The following SLC22A7 variants were observed in gnomAD, a reference collection of about 807,000 sequenced individuals.
The protein encoded by SLC22A7 is hOAT2.
A neutral mutation model predicts 62.2 loss-of-function variants in SLC22A7; 48 were observed. The observed-to-expected ratio is 0.77, with a 90% CI of 0.61 to 0.98. The LOEUF (loss-of-function observed/expected upper bound fraction) is 0.98. Among genes scored for constraint, SLC22A7 ranks in the 50% least tolerant of loss-of-function variants. SLC22A7 has a pLI of 0.00. For synonymous variants in SLC22A7, 276 were observed against 314.8 expected (o/e 0.88, Z 1.30); for missense variants, 581 against 703.8 (o/e 0.83, Z 1.97).
At chr6:43,301,446 C>T (rs1236706487) in intron 6 of SLC22A7, 137 bp from the exon 7 acceptor site, 10 of 1,017,718 alleles carry the variant, frequency 9.8e-6, no homozygotes, top group South Asian at 6.1e-5. Context: ...GAGACCCACT[C>T]GTCTCAGCTG....
At position 43,299,639 on chromosome 6, in the gene SLC22A7, G is replaced by T. The variant is rs749484149; in HGVS notation, c.516G>T (p.Arg172=). The T allele has an allele frequency of 1.9e-6, 3 of 1,614,062 alleles. No individual in the cohort carries two copies. Among genetic ancestry groups the T allele is most frequent in the African/African-American group, 2.7e-5 (2 of 74,922 alleles). Residue 172 remains arginine, a synonymous_variant, in exon 4 of 11, where the codon CGG becomes CGT. Coordinates refer to ENST00000372585, the MANE Select transcript of SLC22A7 (RefSeq NM_153320.2). The surrounding 1 kb of genome is among the most constrained non-coding windows in gnomAD (Gnocchi z 4.4). ...GACCCCTTTGCAGGTTTGGGCGGCG[G>T]CGTCTGCTGCTGGTAGCCTACGTGA... ...FGYLSDRFGR[R]RLLLVAYVST...
chr6:43,296,824 G>A (rs983894084), upstream of SLC22A7, among the ~76,000 whole-genome samples: 1 of 152,170 alleles, frequency 6.6e-6, no homozygotes, highest in African/African-American at 2.4e-5. Context: ...GGCAGCAGAA[G>A]CTGGTGAAGG....
At chr6:43,295,722 G>T (rs1778556291), upstream of SLC22A7, 1 of 152,092 alleles carries the variant, frequency 6.6e-6, no homozygotes, top group Non-Finnish European at 1.5e-5. Context: ...CCATCCTCTG[G>T]TTAGACTCAG....
In SLC22A7 at chr6:43,299,235, C is replaced by T. The variant is rs1423602077; in HGVS notation, c.399+138C>T. ...GGGACAAAGTTTCCTATTCCCCAAG[C>T]TGGCGTGAATCGTTGGGAGGTTTAT... On this transcript the variant is annotated intron_variant, in intron 2 of 10. Transcript: ENST00000372585. This position sits in a 1 kb window ranked among gnomAD's most constrained non-coding sequence, Gnocchi z 4.4. 3 of 1,612,190 alleles carry T rather than the reference C, an allele frequency of 1.9e-6. No individual in the cohort carries two copies. In the South Asian group the frequency reaches 3.3e-5, roughly 18 times the overall value.
chr6:43,298,268 C>A lies in SLC22A7; in HGVS notation c.-91C>A. On this transcript the variant is annotated 5_prime_UTR_variant, in exon 1 of 11. Coordinates refer to ENST00000372585, the MANE Select transcript of SLC22A7 (RefSeq NM_153320.2). ...GGCTCTCCAGTCCATCCACTCCCAC[C>A]TCCAGAGTCCAAGGGTCTATGTGGT... is the stretch of plus-strand genomic sequence containing the variant. 8.5e-7 allele frequency: 1 copy of A among 1,175,912 alleles called. No individual in the cohort carries two copies. 72.8% of individuals were successfully genotyped at this position (1,175,912 alleles called of 1,614,324 possible). A position where few individuals can be genotyped will look rare whatever the true frequency, so the allele number is the denominator to read the frequency against.
intron 1 of SLC22A7, 146 bp from the exon 2 acceptor site, chr6:43,298,946 A>T: frequency 9.0e-7 from 1 of 1,116,996 alleles, no homozygotes. Flanking sequence ...AAGAACTGTT[A>T]TCATCATCAT....
chr6:43,298,598 C>G lies in SLC22A7; in HGVS notation c.240C>G (p.Cys80Trp), dbSNP rs1401923798. Reference sequence around the variant, plus strand: ...AGCCTGATGGCACGCTCAGCTCCTGCCTCCGCTTTGCCTATCCCCAGGCTC... The same window carrying G: ...AGCCTGATGGCACGCTCAGCTCCTGGCTCCGCTTTGCCTATCCCCAGGCTC... ...PREPDGTLSS[C>W]LRFAYPQALP... is the part of the protein sequence containing the mutation. Residue 80 changes from cysteine (C) to tryptophan (W), a missense_variant, in exon 1 of 11, where the codon TGC becomes TGG. By Grantham distance (215) the Cys-to-Trp change is radical (BLOSUM62 -2). Transcript: ENST00000372585. The G allele has an allele frequency of 6.2e-7, 1 of 1,611,234 alleles. No homozygotes were observed. Among genetic ancestry groups the G allele is most frequent in the Non-Finnish European group, 8.5e-7 (1 of 1,178,274 alleles).
chr6:43,298,799 C>A, intron 1 of SLC22A7, 48 bp downstream of exon 1: 1 of 1,515,096 alleles, frequency 6.6e-7, no homozygotes, highest in South Asian at 1.3e-5. Flanking sequence ...ATGGGCCTGC[C>A]ATTGCCTTGG....
chr6:43,303,057 T>G (rs1413127524), intron 9 of SLC22A7: 2 of 918,012 alleles, frequency 2.2e-6, no homozygotes, highest in East Asian at 2.4e-4. Flanking sequence ...AATACAGAGC[T>G]AATCAGGGCC....
In SLC22A7 at chr6:43,305,283, A is replaced by G. The variant is rs1249658955; in HGVS notation, c.*558A>G. The stretch of plus-strand genomic sequence containing the variant: ...TCTGGTACCAATGGGGCTGGTGGGC[A>G]TGCTGTCCACTGTGTGGTGCTAGGA... On this transcript the variant is annotated 3_prime_UTR_variant, in exon 11 of 11. Coordinates refer to ENST00000372585, the MANE Select transcript of SLC22A7 (RefSeq NM_153320.2). The G allele has an allele frequency of 5.5e-6, 1 of 182,678 alleles. No homozygotes were observed. Among genetic ancestry groups the G allele is most frequent in the African/African-American group, 2.4e-5 (1 of 41,700 alleles). The allele number at this position is 182,678 out of a possible 1,614,324, so 11.3% of individuals were successfully genotyped here.
chr6:43,301,738 G>T (rs538730868), intron 7 of SLC22A7, 46 bp downstream of exon 7: 2 of 1,396,640 alleles, frequency 1.4e-6, no homozygotes, highest in Non-Finnish European at 2.0e-6. Context: ...TGGGAGGGAG[G>T]AGCAAACTCC....
chr6:43,302,876 T>G lies in SLC22A7; in HGVS notation c.1385+113T>G. The G allele has an allele frequency of 1.3e-6, 1 of 779,976 alleles. No homozygotes were observed. Among genetic ancestry groups the G allele is most frequent in the South Asian group, 1.8e-5 (1 of 55,454 alleles). 48.3% of individuals were successfully genotyped at this position (779,976 alleles called of 1,614,324 possible). On this transcript the variant is annotated intron_variant, in intron 9 of 10. Coordinates refer to ENST00000372585, the MANE Select transcript of SLC22A7 (RefSeq NM_153320.2). The surrounding 1 kb of genome is among the most constrained non-coding windows in gnomAD (Gnocchi z 5.0). Reference sequence around the variant, plus strand: ...GGTCTCTCACTCATTTTTTTTTTAATTTTAATTTTTGGTAGAGACGGGGTC... The same window carrying G: ...GGTCTCTCACTCATTTTTTTTTTAAGTTTAATTTTTGGTAGAGACGGGGTC...
intron 10 of SLC22A7, 172 bp downstream of exon 10, chr6:43,304,416 T>G: frequency 3.2e-6 from 2 of 619,392 alleles, no homozygotes; most frequent in Non-Finnish European, 5.4e-6. Flanking sequence ...ATTGGGGGCA[T>G]GTAAACTGCA....
intron 9 of SLC22A7, 102 bp from the exon 10 acceptor site, chr6:43,303,936 G>A (rs1778849142): frequency 1.1e-6 from 1 of 942,702 alleles, no homozygotes; most frequent in African/African-American, 1.7e-5. Context: ...ATGGGGAGAA[G>A]GGAGTATCAG....
In SLC22A7 at chr6:43,298,370, G is replaced by A. The variant is rs1294856244; in HGVS notation, c.12G>A (p.Glu4=). The change falls in exon 1 of 11, where the codon GAG becomes GAA. Residue 4 remains glutamate, a synonymous_variant. Transcript: ENST00000372585. ...GGTGGGTGAGCAGCATGGGCTTTGA[G>A]GAGCTGCTGGAGCAGGTGGGCGGCT... is the stretch of plus-strand genomic sequence containing the variant. MGF[E]ELLEQVGGFG... is the part of the protein sequence containing the mutation. 2 of 1,611,456 alleles carry A rather than the reference G, an allele frequency of 1.2e-6. No individual in the cohort carries two copies. Among genetic ancestry groups the A allele is most frequent in the Non-Finnish European group, 1.7e-6 (2 of 1,178,496 alleles).
At position 43,299,062 on chromosome 6, in the gene SLC22A7, G is replaced by T. The variant is rs1489198424; in HGVS notation, c.394-30G>T. The T allele has an allele frequency of 6.4e-7, 1 of 1,563,208 alleles. No homozygotes were observed. Among genetic ancestry groups the T allele is most frequent in the African/African-American group, 1.4e-5 (1 of 73,210 alleles). ...CAGCAAGAGGTGGAGAAACAATAGAGGCCTTCTTTTCTCCCTTCCTCTTTT... is the reference window on the plus strand; with the variant it reads ...CAGCAAGAGGTGGAGAAACAATAGATGCCTTCTTTTCTCCCTTCCTCTTTT... On this transcript the variant is annotated intron_variant, in intron 1 of 10. Transcript: ENST00000372585. This position sits in a 1 kb window ranked among gnomAD's most constrained non-coding sequence, Gnocchi z 4.4.
intron 9 of SLC22A7, among the ~76,000 whole-genome samples, chr6:43,303,564 G>C (rs527314839): frequency 1.7e-4 from 26 of 152,236 alleles, no homozygotes; most frequent in African/African-American, 5.8e-4. Flanking sequence ...ACCCCTGGAA[G>C]GCAGAGATGC....
rs1778778094 is a variant in SLC22A7 at position 43,302,239 on chromosome 6, T to C, written c.1101T>C (p.Asp367=). The C allele has an allele frequency of 6.2e-7, 1 of 1,606,616 alleles. No homozygotes were observed. The highest frequency in any genetic ancestry group is 8.5e-7 in the Non-Finnish European group (1 of 1,175,322). Residue 367 remains aspartate, a synonymous_variant, in exon 8 of 11, where the codon GAT becomes GAC. Coordinates refer to ENST00000372585, the MANE Select transcript of SLC22A7 (RefSeq NM_153320.2). This position sits in a 1 kb window ranked among gnomAD's most constrained non-coding sequence, Gnocchi z 5.0. The part of the protein sequence containing the change: ...VNFSYYGLSL[D]VSGLGLNVYQ... ...TCTCCTATTACGGCCTGAGTCTGGA[T>C]GTGTCGGGGCTGGGGCTGAACGTGT...
Position 43,301,712 on chromosome 6 carries a change from T to A in SLC22A7, c.1061+20T>A. Reference sequence around the variant, plus strand: ...GGTGTGGTGAGGAGGCTGGCTTGGGTCTGGCATGGGTGTGGTGGGAGGGAG... The same window carrying A: ...GGTGTGGTGAGGAGGCTGGCTTGGGACTGGCATGGGTGTGGTGGGAGGGAG... On this transcript the variant is annotated intron_variant, in intron 7 of 10. Coordinates refer to ENST00000372585, the MANE Select transcript of SLC22A7 (RefSeq NM_153320.2). 1 of 1,583,588 alleles carries A rather than the reference T, an allele frequency of 6.3e-7. No homozygotes were observed. Among genetic ancestry groups the A allele is most frequent in the Non-Finnish European group, 8.6e-7 (1 of 1,157,332 alleles).
Sources: allele counts gnomAD v4.1 joint callset (sites outside exome capture counted in the v4.1 genomes callset), GRCh38; gene constraint gnomAD v4.1.1; non-coding constraint Gnocchi (gnomAD v3.1); transcripts MANE v1.5; gene names NCBI Gene and HGNC (gene_info 2026-07-23, HGNC 2026-07-21).